The following TBC1D8 variants were observed in gnomAD, a reference collection of about 807,000 sequenced individuals.
The protein encoded by TBC1D8 is BUB2-like protein 1.
TBC1D8 carries 65 observed loss-of-function variants against 118.8 expected under a neutral mutation model. The ratio of observed to expected loss-of-function variants is 0.55; its 90% CI spans 0.45 to 0.67. TBC1D8 has a LOEUF of 0.67. TBC1D8 is among the 30% of genes least tolerant of loss of function. The pLI is 0.00. For synonymous variants in TBC1D8, 566 were observed against 595.8 expected (o/e 0.95, Z 0.73); for missense variants, 1,376 against 1,471.2 (o/e 0.94, Z 1.06).
intron 3 of TBC1D8, among the ~76,000 whole-genome samples, chr2:101,056,347 G>C (rs1484372993): frequency 6.8e-6 from 1 of 148,094 alleles, no homozygotes; most frequent in African/African-American, 2.5e-5. Flanking sequence ...GGGACTACAG[G>C]TGCCTGCCAC....
At chr2:101,037,845 G>A in intron 7 of TBC1D8, 137 bp from the exon 8 acceptor site, 1 of 1,064,128 alleles carries the variant, frequency 9.4e-7, no homozygotes, top group Non-Finnish European at 1.4e-6. Flanking sequence ...AAGACAGACT[G>A]ACGCCAGACC....
intron 1 of TBC1D8, among the ~76,000 whole-genome samples, chr2:101,095,116 G>T (rs59863245): frequency 0.13 from 19,841 of 152,060 alleles, 1,635 homozygotes; most frequent in East Asian, 0.27. Context: ...CAGGAACCCC[G>T]CCAGGTTCTC....
chr2:101,063,979 C>T (rs1412668286), intron 2 of TBC1D8, among the ~76,000 whole-genome samples: 1 of 152,034 alleles, frequency 6.6e-6, no homozygotes, highest in Non-Finnish European at 1.5e-5. Flanking sequence ...CCATTGAAGA[C>T]GCAGGATGAT....
chr2:101,020,620 C>T (rs910021973), intron 17 of TBC1D8, among the ~76,000 whole-genome samples: 2 of 152,142 alleles, frequency 1.3e-5, no homozygotes, highest in Admixed American at 6.5e-5. Context: ...CTGGGGAGAG[C>T]GTGCCTAAGG....
chr2:101,029,589 G>T lies in TBC1D8; in HGVS notation c.2124C>A (p.Ile708=). The T allele has an allele frequency of 6.2e-7, 1 of 1,613,980 alleles. No homozygotes were observed. Among genetic ancestry groups the T allele is most frequent in the Non-Finnish European group, 8.5e-7 (1 of 1,179,878 alleles). ...CCAGTCCCAGCTGGAAGATGGCTTT[G>T]ATGCCATCATAGAAGAAGCAGTCTA... ...NVVDCFFYDG[I]KAIFQLGLAV... Residue 708 remains isoleucine, a synonymous_variant, in exon 12 of 20, where the codon ATC becomes ATA. Coordinates refer to ENST00000409318, the MANE Select transcript of TBC1D8 (RefSeq NM_001330348.2).
At chr2:101,114,452 C>T (rs1677733482) in intron 1 of TBC1D8, among the ~76,000 whole-genome samples, 1 of 152,134 alleles carries the variant, frequency 6.6e-6, no homozygotes, top group African/African-American at 2.4e-5. Flanking sequence ...TCAAAGAACC[C>T]AGTTGTTTAA....
intron 8 of TBC1D8, 85 bp from the exon 9 acceptor site, chr2:101,036,253 G>A: frequency 6.6e-7 from 1 of 1,506,410 alleles, no homozygotes; most frequent in East Asian, 2.3e-5. Flanking sequence ...AATGGAGGAA[G>A]TACTGCCCCT....
At position 101,041,441 on chromosome 2, in the gene TBC1D8, C is replaced by T. The variant is rs74779444; in HGVS notation, c.873-1056G>A. ...GTGAAGTAAACCAGACACAAAAAGA[C>T]GACATACTGCCTGATTCCATTAATA... On this transcript the variant is annotated intron_variant, in intron 5 of 19. Transcript: ENST00000409318. Among the ~76,000 whole-genome samples the T allele has an allele frequency of 4.8e-3, 729 of 152,208 alleles. 4 individuals are homozygous for T. The highest frequency in any genetic ancestry group is 0.014 in the African/African-American group (601 of 41,518).
At chr2:101,117,941 G>C (rs78950046) in intron 1 of TBC1D8, among the ~76,000 whole-genome samples, 3,800 of 150,900 alleles carry the variant, frequency 0.025, 191 homozygotes, top group African/African-American at 0.087. Context: ...CATACAGAAG[G>C]GGGTGGGAGG....
intron 17 of TBC1D8, among the ~76,000 whole-genome samples, chr2:101,012,767 C>G (rs1271642440): frequency 1.3e-5 from 2 of 152,196 alleles, no homozygotes; most frequent in African/African-American, 4.8e-5. Flanking sequence ...AAGTTTGGAA[C>G]TTATTCGTAA....
At chr2:101,117,940 G>A (rs1677903886) in intron 1 of TBC1D8, among the ~76,000 whole-genome samples, 2 of 148,420 alleles carry the variant, frequency 1.3e-5, no homozygotes, top group Non-Finnish European at 3.0e-5. Context: ...CCATACAGAA[G>A]GGGGTGGGAG....
At chr2:101,128,578 A>G (rs1343744797) in intron 1 of TBC1D8, among the ~76,000 whole-genome samples, 1 of 152,240 alleles carries the variant, frequency 6.6e-6, no homozygotes, top group African/African-American at 2.4e-5. Flanking sequence ...TGATCCAGCA[A>G]TTCCACTTCT....
chr2:101,058,372 A>G (rs1682560880), intron 3 of TBC1D8, among the ~76,000 whole-genome samples: 1 of 152,260 alleles, frequency 6.6e-6, no homozygotes. Context: ...GACGTATTAG[A>G]AAGCCAAGCT....
At chr2:101,037,296 C>T (rs1280253249) in intron 8 of TBC1D8, among the ~76,000 whole-genome samples, 2 of 152,204 alleles carry the variant, frequency 1.3e-5, no homozygotes, top group South Asian at 2.1e-4. Context: ...CGGCCAGCTC[C>T]GCAGGCCCCA....
intron 2 of TBC1D8, among the ~76,000 whole-genome samples, chr2:101,088,722 C>T (rs1675809760): frequency 6.6e-6 from 1 of 152,068 alleles, no homozygotes; most frequent in Non-Finnish European, 1.5e-5. Flanking sequence ...AGGTACACAC[C>T]ACCACGCCCA....
chr2:101,122,376 T>G, intron 1 of TBC1D8, among the ~76,000 whole-genome samples: 1 of 73,516 alleles, frequency 1.4e-5, no homozygotes. Context: ...CGGCCAAGAC[T>G]CCATTTCAAA....
rs535941028 is a variant in TBC1D8 at position 101,028,613 on chromosome 2, T to G, written c.2223-181A>C. The stretch of plus-strand genomic sequence containing the variant: ...AGAGGCAGTCATGAAGCCCGGCTTG[T>G]GGATTGGGCTCCACAGGTGGCTTTC... On this transcript the variant is annotated intron_variant, in intron 12 of 19. Transcript: ENST00000409318. 60 of 843,624 alleles carry G rather than the reference T, an allele frequency of 7.1e-5. No individual in the cohort carries two copies. In the African/African-American group the frequency reaches 7.6e-4, roughly 11 times the overall value. The allele number at this position is 843,624 out of a possible 1,614,324, so 52.3% of individuals were successfully genotyped here.
Position 101,019,348 on chromosome 2 carries a change from T to C in TBC1D8, c.2827+2333A>G, listed in dbSNP as rs533957892. On this transcript the variant is annotated intron_variant, in intron 17 of 19. Coordinates refer to ENST00000409318, the MANE Select transcript of TBC1D8 (RefSeq NM_001330348.2). ...GAAAACTTTCATTTCGTAACTAGTA[T>C]GTCTGTCCCACCTTTAAAAAGTTTT... 1.2e-5 allele frequency: 3 copies of C among 243,040 alleles called. No individual in the cohort carries two copies. The South Asian group carries it at 4.5e-4, about 36-fold the overall frequency. The allele number at this position is 243,040 out of a possible 1,614,324, so 15.1% of individuals were successfully genotyped here. A position where few individuals can be genotyped will look rare whatever the true frequency, so the allele number is the denominator to read the frequency against.
chr2:101,139,510 T>TCC (rs1679008482), intron 1 of TBC1D8, among the ~76,000 whole-genome samples: 2 of 151,962 alleles, frequency 1.3e-5, no homozygotes, highest in Admixed American at 6.6e-5. Context: ...AGCAGACCCC[T>TCC]CCCTCCTTCT....
Sources: allele counts gnomAD v4.1 joint callset (sites outside exome capture counted in the v4.1 genomes callset), GRCh38; gene constraint gnomAD v4.1.1; transcripts MANE v1.5; gene names NCBI Gene and HGNC (gene_info 2026-07-23, HGNC 2026-07-21).